The following CCDC27 variants were observed in gnomAD, a reference collection of about 807,000 sequenced individuals.
The protein encoded by CCDC27 is coiled-coil domain-containing protein 27.
A neutral mutation model predicts 80.3 loss-of-function variants in CCDC27; 80 were observed. The observed-to-expected ratio is 1.00, with a 90% CI of 0.83 to 1.20. The LOEUF is 1.20. Among genes scored for constraint, CCDC27 ranks in the 50% most tolerant of loss-of-function variants. The probability of loss-of-function intolerance (pLI) is 0.00; values close to 1 mark genes in which losing one functional copy is unlikely to be tolerated. For synonymous variants in CCDC27, 342 were observed against 334.3 expected (o/e 1.02, Z -0.25); for missense variants, 815 against 809.4 (o/e 1.01, Z -0.08).
chr1:3,763,579 G>A lies in CCDC27; in HGVS notation c.1321+105G>A, dbSNP rs1319602653. The A allele has an allele frequency of 2.3e-5, 36 of 1,555,384 alleles. No homozygotes were observed. Among genetic ancestry groups the A allele is most frequent in the Non-Finnish European group, 2.8e-5 (32 of 1,146,906 alleles). On this transcript the variant is annotated intron_variant, in intron 7 of 11. Transcript: ENST00000294600. This position sits in a 1 kb window ranked among gnomAD's most constrained non-coding sequence, Gnocchi z 7.5. ...TGCTCTGGTCAGTGAGCTGGAGCAG[G>A]GGCAGGTGTCGGCAGCCTCACCCAG...
rs904255273 is a variant in CCDC27, at chr1:3,767,118, C to T, written c.1531-115C>T. The T allele has an allele frequency of 2.7e-5, 23 of 861,994 alleles. 1 individual carries two copies. Among genetic ancestry groups the T allele is most frequent in the South Asian group, 2.1e-4 (13 of 61,354 alleles). 53.4% of individuals were successfully genotyped at this position (861,994 alleles called of 1,614,324 possible). On this transcript the variant is annotated intron_variant, in intron 9 of 11. Coordinates refer to ENST00000294600, the MANE Select transcript of CCDC27 (RefSeq NM_152492.3). Reference sequence around the variant, plus strand: ...CTTCCCAAAGTGCTGGGATTACAGGCGTGAGCCACTGCACCTGGCCGCCGG... The same window carrying T: ...CTTCCCAAAGTGCTGGGATTACAGGTGTGAGCCACTGCACCTGGCCGCCGG...
At position 3,766,620 on chromosome 1, in the gene CCDC27, C is replaced by G; in HGVS notation, c.1530+8C>G. Reference sequence around the variant, plus strand: ...AACCAGCTCCTCCGACAGGTGACAGCCTGGGTGTCGTTAAATGATCAGCCA... The same window carrying G: ...AACCAGCTCCTCCGACAGGTGACAGGCTGGGTGTCGTTAAATGATCAGCCA... On this transcript the variant is annotated splice_region_variant and intron_variant, in intron 9 of 11. Coordinates refer to ENST00000294600, the MANE Select transcript of CCDC27 (RefSeq NM_152492.3). This position sits in a 1 kb window ranked among gnomAD's most constrained non-coding sequence, Gnocchi z 6.1. 6.2e-7 allele frequency: 1 copy of G among 1,610,362 alleles called. No homozygotes were observed. The highest frequency in any genetic ancestry group is 8.5e-7 in the Non-Finnish European group (1 of 1,177,098).
chr1:3,767,858 G>T (rs1053331242), intron 10 of CCDC27, among the ~76,000 whole-genome samples: 1 of 152,206 alleles, frequency 6.6e-6, no homozygotes, highest in Non-Finnish European at 1.5e-5. Context: ...TCAAAGTCAT[G>T]TAGCTCCTTT....
chr1:3,756,147 C>A (rs1642946306), intron 3 of CCDC27: 1 of 154,974 alleles, frequency 6.5e-6, no homozygotes, highest in African/African-American at 2.4e-5. Flanking sequence ...CAAGACCAGC[C>A]TGGCCAAGAT....
In CCDC27 at chr1:3,761,879, A is replaced by G. The variant is rs1643095817; in HGVS notation, c.861+449A>G. 6.6e-6 allele frequency among the ~76,000 whole-genome samples: 1 copy of G among 150,536 alleles called. No individual in the cohort carries two copies. Among genetic ancestry groups the G allele is most frequent in the South Asian group, 2.1e-4 (1 of 4,780 alleles). On this transcript the variant is annotated intron_variant, in intron 5 of 11. Transcript: ENST00000294600. This position sits in a 1 kb window ranked among gnomAD's most constrained non-coding sequence, Gnocchi z 5.0. The stretch of plus-strand genomic sequence containing the variant: ...TTCCCCGGGCCTGGCTCTGTGCATC[A>G]TCTGCAGTGGTAGCTTGTATTACCC...
rs757528937 is a variant in CCDC27, at chr1:3,763,117, G to T, written c.964G>T (p.Glu322Ter). The change falls in exon 7 of 12, where the codon GAG becomes TAG. Residue 322 changes from glutamate to a stop codon, truncating the protein, a stop_gained. Transcript: ENST00000294600. LOFTEE classifies it high-confidence loss of function. The surrounding 1 kb of genome is among the most constrained non-coding windows in gnomAD (Gnocchi z 7.5). ...CCTACCCATCTTACAGATGCAGGAG[G>T]AGTCTGCGGCACCGGAGAGGGGCAA... is the stretch of plus-strand genomic sequence containing the variant. ...ELQHWWQMQE[E>*]SAAPERGKEP... 2 of 1,475,914 alleles carry T rather than the reference G, an allele frequency of 1.4e-6. No homozygotes were observed. Among genetic ancestry groups the T allele is most frequent in the East Asian group, 2.4e-5 (1 of 41,538 alleles). 91.4% of individuals were successfully genotyped at this position (1,475,914 alleles called of 1,614,324 possible).
In CCDC27 at chr1:3,761,527, C is replaced by A; in HGVS notation, c.861+97C>A. ...TGACACACAGGCCCCTGGCAAACCC[C>A]CAGGCCCCCTGGATCCTATCAGGTC... On this transcript the variant is annotated intron_variant, in intron 5 of 11. Coordinates refer to ENST00000294600, the MANE Select transcript of CCDC27 (RefSeq NM_152492.3). This position sits in a 1 kb window ranked among gnomAD's most constrained non-coding sequence, Gnocchi z 5.0. The A allele has an allele frequency of 7.0e-7, 1 of 1,427,168 alleles. No homozygotes were observed. The highest frequency in any genetic ancestry group is 9.5e-7 in the Non-Finnish European group (1 of 1,056,146). 88.4% of individuals were successfully genotyped at this position (1,427,168 alleles called of 1,614,324 possible). A position where few individuals can be genotyped will look rare whatever the true frequency, so the allele number is the denominator to read the frequency against.
Position 3,769,078 on chromosome 1 carries a change from G to A in CCDC27, c.1744-705G>A, listed in dbSNP as rs957636998. The stretch of plus-strand genomic sequence containing the variant: ...CTCTGCGTCGTCAGGGTTTCTGGAC[G>A]AGGAACTCGTGCTGAGCGTGCCGCA... On this transcript the variant is annotated intron_variant, in intron 10 of 11. Transcript: ENST00000294600. The surrounding 1 kb of genome is among the most constrained non-coding windows in gnomAD (Gnocchi z 4.6). 3.3e-5 allele frequency among the ~76,000 whole-genome samples: 5 copies of A among 152,200 alleles called. No homozygotes were observed. Among genetic ancestry groups the A allele is most frequent in the Non-Finnish European group, 5.9e-5 (4 of 68,032 alleles).
rs1010567381 is a variant in CCDC27, at chr1:3,761,524, C to G, written c.861+94C>G. On this transcript the variant is annotated intron_variant, in intron 5 of 11. Coordinates refer to ENST00000294600, the MANE Select transcript of CCDC27 (RefSeq NM_152492.3). The surrounding 1 kb of genome is among the most constrained non-coding windows in gnomAD (Gnocchi z 5.0). ...TAGTGACACACAGGCCCCTGGCAAA[C>G]CCCCAGGCCCCCTGGATCCTATCAG... 1 of 1,417,092 alleles carries G rather than the reference C, an allele frequency of 7.1e-7. No individual in the cohort carries two copies. Among genetic ancestry groups the G allele is most frequent in the Non-Finnish European group, 9.5e-7 (1 of 1,047,482 alleles). 87.8% of individuals were successfully genotyped at this position (1,417,092 alleles called of 1,614,324 possible).
rs369961273 is a variant in CCDC27, at chr1:3,752,490, G to A, written c.9G>A (p.Glu3=). 6.8e-6 allele frequency: 11 copies of A among 1,613,560 alleles called. No homozygotes were observed. In the African/African-American group the frequency reaches 1.3e-4, roughly 20 times the overall value. Residue 3 remains glutamate, a synonymous_variant, in exon 1 of 12, where the codon GAG becomes GAA. Coordinates refer to ENST00000294600, the MANE Select transcript of CCDC27 (RefSeq NM_152492.3). MF[E]AIFPSTPQAR... ...CACCAGCCAGCAGGTTCATGTTCGA[G>A]GCCATCTTCCCCTCCACACCCCAAG...
intron 4 of CCDC27, among the ~76,000 whole-genome samples, chr1:3,757,717 A>C (rs1001893340): frequency 2.3e-4 from 35 of 151,966 alleles, no homozygotes; most frequent in African/African-American, 7.5e-4. Flanking sequence ...AGGTCAGGAG[A>C]TCGAGACCAT....
chr1:3,758,667 T>G (rs1643018043), intron 4 of CCDC27, among the ~76,000 whole-genome samples: 1 of 152,178 alleles, frequency 6.6e-6, no homozygotes, highest in African/African-American at 2.4e-5. Flanking sequence ...TGATCCCAGC[T>G]CCCTGCAGCC....
In CCDC27 at chr1:3,769,527, G is replaced by C. The variant is rs935091282; in HGVS notation, c.1744-256G>C. Among the ~76,000 whole-genome samples the C allele has an allele frequency of 3.3e-5, 5 of 152,108 alleles. No homozygotes were observed. The highest frequency in any genetic ancestry group is 1.2e-4 in the African/African-American group (5 of 41,406). ...TAGGTTTTACTTTCCAATTAGAAAA[G>C]CCCACCTGGTGTAGGAGAGTCTTTG... On this transcript the variant is annotated intron_variant, in intron 10 of 11. Coordinates refer to ENST00000294600, the MANE Select transcript of CCDC27 (RefSeq NM_152492.3). The surrounding 1 kb of genome is among the most constrained non-coding windows in gnomAD (Gnocchi z 4.6).
In CCDC27 at chr1:3,756,805, T is replaced by C; in HGVS notation, c.626T>C (p.Leu209Ser). The change falls in exon 4 of 12, where the codon TTG becomes TCG. Residue 209 changes from leucine to serine, a missense_variant. Physicochemically the swap from Leu to Ser is moderately radical, Grantham distance 145. Coordinates refer to ENST00000294600, the MANE Select transcript of CCDC27 (RefSeq NM_152492.3). ...YLRKRRKSQTLSPVTSSSVAS... is the reference protein window; with the variant it reads ...YLRKRRKSQTSSPVTSSSVAS... ...CGGAAGAGGAGAAAATCCCAGACTT[T>C]GAGTCCGGTCACCAGCAGCTCAGTC... is the stretch of plus-strand genomic sequence containing the variant. The C allele has an allele frequency of 1.2e-6, 2 of 1,614,070 alleles. No individual in the cohort carries two copies. Among genetic ancestry groups the C allele is most frequent in the Non-Finnish European group, 1.7e-6 (2 of 1,180,012 alleles).
chr1:3,770,278 T>C (rs1643329421), intron 11 of CCDC27, among the ~76,000 whole-genome samples: 1 of 152,130 alleles, frequency 6.6e-6, no homozygotes. Context: ...CACCCACTGA[T>C]CCAGGGCCCT....
Position 3,760,764 on chromosome 1 carries a change from G to T in CCDC27, c.712-517G>T, listed in dbSNP as rs1643064910. 6.6e-6 allele frequency among the ~76,000 whole-genome samples: 1 copy of T among 152,090 alleles called. No homozygotes were observed. ...GTATTTCTCTAAGTTCAGATCTGCT[G>T]GTCACAGATTCTTTCAATTTCTGTT... On this transcript the variant is annotated intron_variant, in intron 4 of 11. Coordinates refer to ENST00000294600, the MANE Select transcript of CCDC27 (RefSeq NM_152492.3). This position sits in a 1 kb window ranked among gnomAD's most constrained non-coding sequence, Gnocchi z 4.3.
At position 3,761,368 on chromosome 1, in the gene CCDC27, A is replaced by C. The variant is rs886932440; in HGVS notation, c.799A>C (p.Met267Leu). 1.2e-6 allele frequency: 2 copies of C among 1,614,166 alleles called. No individual in the cohort carries two copies. The highest frequency in any genetic ancestry group is 4.5e-5 in the East Asian group (2 of 44,876). The change falls in exon 5 of 12, where the codon ATG (methionine) becomes CTG (leucine). Residue 267 changes from methionine to leucine, a missense_variant. Coordinates refer to ENST00000294600, the MANE Select transcript of CCDC27 (RefSeq NM_152492.3). This position sits in a 1 kb window ranked among gnomAD's most constrained non-coding sequence, Gnocchi z 5.0. Reference protein sequence around the residue: ...LLQEEREALKMQLKCLLKGKG... With the variant: ...LLQEEREALKLQLKCLLKGKG... The stretch of plus-strand genomic sequence containing the variant: ...CCAGGAGGAGAGGGAGGCCCTGAAG[A>C]TGCAGCTGAAATGCCTTCTGAAAGG...
intron 2 of CCDC27, among the ~76,000 whole-genome samples, chr1:3,754,832 G>A (rs1222045155): frequency 7.3e-6 from 1 of 136,636 alleles, no homozygotes; most frequent in Non-Finnish European, 1.6e-5. Context: ...CCTATAACCA[G>A]TAGCAAGGGT....
At chr1:3,757,266 T>A (rs1048942976) in intron 4 of CCDC27, 1 of 155,936 alleles carries the variant, frequency 6.4e-6, no homozygotes, top group Non-Finnish European at 1.4e-5. Context: ...TATTCTTTTT[T>A]AAATCTATAT....
Sources: gnomAD v4.1 joint callset for allele counts (sites outside exome capture counted in the v4.1 genomes callset) on GRCh38, gnomAD v4.1.1 for gene constraint, Gnocchi (gnomAD v3.1) non-coding constraint, MANE v1.5 for transcripts, NCBI Gene and HGNC (gene_info 2026-07-23, HGNC 2026-07-21) for gene names.